The following NRIP3 variants were observed in gnomAD, a reference collection of about 807,000 sequenced individuals.
The protein encoded by NRIP3 is nuclear receptor-interacting protein 3.
A neutral mutation model predicts 29.0 loss-of-function variants in NRIP3; 31 were observed. That is an observed-to-expected ratio of 1.07 (90% CI 0.80 to 1.44). NRIP3 has a LOEUF of 1.44. Among genes scored for constraint, NRIP3 ranks in the 40% most tolerant of loss-of-function variants. The pLI, the probability that NRIP3 is intolerant of heterozygous loss-of-function variation, is 0.00. For missense variants in NRIP3, 314 were observed against 297.9 expected (o/e 1.05, Z -0.40); for synonymous variants, 131 against 118.3 (o/e 1.11, Z -0.70).
chr11:8,989,321 C>G (rs551281391), intron 1 of NRIP3, among the ~76,000 whole-genome samples: 4 of 152,286 alleles, frequency 2.6e-5, no homozygotes, highest in Admixed American at 2.0e-4. Context: ...TTTAAAATCC[C>G]TCAAAGGAGA....
At chr11:9,004,188 G>A, upstream of NRIP3, 2 of 343,094 alleles carry the variant, frequency 5.8e-6, no homozygotes, top group East Asian at 4.5e-5. Flanking sequence ...GGCGGCGCTG[G>A]TGGGGACTGA....
Position 8,982,846 on chromosome 11 carries a change from T to TA in NRIP3, c.*698dup, listed in dbSNP as rs1175903567. 1.9e-5 allele frequency: 6 copies of TA among 321,628 alleles called. No homozygotes were observed. The highest frequency in any genetic ancestry group is 4.2e-5 in the Admixed American group (1 of 23,726). 19.9% of individuals were successfully genotyped at this position (321,628 alleles called of 1,614,324 possible). A position where few individuals can be genotyped will look rare whatever the true frequency, so the allele number is the denominator to read the frequency against. ...TGCTCTGCCTTTTTTTTTTTTTTTT[T>TA]AACACATTCTCACCTCTTTGCCCTC... is the stretch of plus-strand genomic sequence containing the variant. On this transcript the variant is annotated 3_prime_UTR_variant, in exon 7 of 7. Transcript: ENST00000309166.
intron 1 of NRIP3, among the ~76,000 whole-genome samples, chr11:9,000,137 A>AT (rs1213752570): frequency 1.3e-5 from 2 of 152,040 alleles, no homozygotes; most frequent in African/African-American, 4.8e-5. Flanking sequence ...CCTGCCCCCA[A>AT]CCTATAAACC....
chr11:8,996,275 C>CTTTTTTTT lies in NRIP3; in HGVS notation c.174+7479_174+7486dup, dbSNP rs386373056. 1.7e-3 allele frequency among the ~76,000 whole-genome samples: 145 copies of CTTTTTTTT among 82,930 alleles called. 2 individuals carry two copies. Among genetic ancestry groups the CTTTTTTTT allele is most frequent in the Middle Eastern group, 0.013 (1 of 76 alleles). The allele number at this position is 82,930 out of a possible 152,430, so 54.4% of individuals were successfully genotyped here. On this transcript the variant is annotated intron_variant, in intron 1 of 6. Transcript: ENST00000309166. The stretch of plus-strand genomic sequence containing the variant: ...TCTTTCTTCAAAAAGCCTTTTTTTC[C>CTTTTTTTT]TTTTTTTTTTTTTTTTTTTTTTTTG...
intron 4 of NRIP3, among the ~76,000 whole-genome samples, chr11:8,984,758 GAGTA>G (rs1362880873): frequency 2.6e-5 from 4 of 151,948 alleles, no homozygotes; most frequent in African/African-American, 7.3e-5. Flanking sequence ...TATGGCAAAG[GAGTA>G]AGTAAGTTGC....
At chr11:9,003,724 C>T (rs1192078215) in intron 1 of NRIP3, 38 bp downstream of exon 1, 14 of 1,366,686 alleles carry the variant, frequency 1.0e-5, no homozygotes, top group African/African-American at 3.1e-5. Flanking sequence ...GGGCGCGAAG[C>T]CGCCGGGGCC....
chr11:8,995,444 G>A (rs1366161952), intron 1 of NRIP3, among the ~76,000 whole-genome samples: 6 of 152,040 alleles, frequency 3.9e-5, no homozygotes, highest in Non-Finnish European at 8.8e-5. Context: ...CAACAACCTT[G>A]GTAAGTGGCA....
chr11:9,003,691 A>G, intron 1 of NRIP3, 71 bp downstream of exon 1: 4 of 1,328,624 alleles, frequency 3.0e-6, no homozygotes, highest in Non-Finnish European at 3.9e-6. Context: ...GAAAGCCGCA[A>G]CGGCCGGGCC....
At chr11:8,983,997 C>T in intron 5 of NRIP3, 28 bp from the exon 6 acceptor site, 1 of 1,606,934 alleles carries the variant, frequency 6.2e-7, no homozygotes, top group Non-Finnish European at 8.5e-7. Context: ...GTCAGTGATA[C>T]CACTATGAGT....
At chr11:8,983,994 A>G in intron 5 of NRIP3, 25 bp from the exon 6 acceptor site, 14 of 1,607,598 alleles carry the variant, frequency 8.7e-6, no homozygotes, top group Non-Finnish European at 1.2e-5. Flanking sequence ...CTTGTCAGTG[A>G]TACCACTATG....
intron 1 of NRIP3, among the ~76,000 whole-genome samples, chr11:9,001,233 T>A (rs1195354533): frequency 6.6e-6 from 1 of 152,202 alleles, no homozygotes; most frequent in Non-Finnish European, 1.5e-5. Context: ...TACACAGGAA[T>A]AGGCAAAGGC....
intron 1 of NRIP3, among the ~76,000 whole-genome samples, chr11:8,990,916 C>T (rs1854588262): frequency 6.6e-6 from 1 of 152,154 alleles, no homozygotes; most frequent in Non-Finnish European, 1.5e-5. Context: ...AGAAATATAT[C>T]TTTCAAAAAA....
rs1015033370 is a variant in NRIP3, at chr11:9,003,283, T to C, written c.174+479A>G. 3.3e-5 allele frequency among the ~76,000 whole-genome samples: 5 copies of C among 151,994 alleles called. No individual in the cohort carries two copies. The South Asian group carries it at 6.2e-4, about 19-fold the overall frequency. ...CAAAACTAGAGAAGTGGGTTTTGCA[T>C]AGGGGGACAATGGATTCAACAGAAG... On this transcript the variant is annotated intron_variant, in intron 1 of 6. Transcript: ENST00000309166.
At chr11:8,993,973 A>C (rs1854655970) in intron 1 of NRIP3, among the ~76,000 whole-genome samples, 1 of 152,186 alleles carries the variant, frequency 6.6e-6, no homozygotes, top group Non-Finnish European at 1.5e-5. Flanking sequence ...AAAAATTTTA[A>C]ATAAAAATAT....
intron 1 of NRIP3, among the ~76,000 whole-genome samples, chr11:8,994,031 C>T (rs182148130): frequency 9.2e-5 from 14 of 152,012 alleles, no homozygotes; most frequent in Admixed American, 2.0e-4. Flanking sequence ...GCCAACTTAC[C>T]GTAGTTTAAA....
chr11:8,988,291 A>G lies in NRIP3; in HGVS notation c.175-9T>C, dbSNP rs774444019. On this transcript the variant is annotated splice_polypyrimidine_tract_variant and intron_variant, in intron 1 of 6. Transcript: ENST00000309166. ...AGAATATTATGAGGTTGCTTGAGGG[A>G]TAGAAAGCAGAGACTTCTTAGTGAC... The G allele has an allele frequency of 6.2e-6, 10 of 1,611,456 alleles. No individual in the cohort carries two copies. Among genetic ancestry groups the G allele is most frequent in the Non-Finnish European group, 8.5e-6 (10 of 1,178,162 alleles).
chr11:8,987,973 GC>G, intron 2 of NRIP3, 144 bp downstream of exon 2: 1 of 713,706 alleles, frequency 1.4e-6, no homozygotes, highest in South Asian at 1.9e-5. Context: ...ACAAAATGTT[GC>G]ATACACTTCC....
chr11:8,987,642 A>C lies in NRIP3; in HGVS notation c.340-12T>G. The C allele has an allele frequency of 6.2e-7, 1 of 1,605,040 alleles. No homozygotes were observed. Among genetic ancestry groups the C allele is most frequent in the Non-Finnish European group, 8.5e-7 (1 of 1,171,808 alleles). Reference sequence around the variant, plus strand: ...TCCTTTCCAGCACACTGTGGGGAGGAAATGTACTGTTCAATAAGAGCCAGA... The same window carrying C: ...TCCTTTCCAGCACACTGTGGGGAGGCAATGTACTGTTCAATAAGAGCCAGA... On this transcript the variant is annotated splice_polypyrimidine_tract_variant and intron_variant, in intron 2 of 6. Coordinates refer to ENST00000309166, the MANE Select transcript of NRIP3 (RefSeq NM_020645.3).
Position 8,982,966 on chromosome 11 carries a change from A to G in NRIP3, c.*579T>C, listed in dbSNP as rs921200531. The stretch of plus-strand genomic sequence containing the variant: ...GTCCCTTCAGTCACTGACCTAATAT[A>G]TGAACTTAGACAATTCACTTGCCTC... On this transcript the variant is annotated 3_prime_UTR_variant, in exon 7 of 7. Transcript: ENST00000309166. 1.3e-5 allele frequency: 6 copies of G among 456,390 alleles called. No homozygotes were observed. Among genetic ancestry groups the G allele is most frequent in the African/African-American group, 1.2e-4 (6 of 49,998 alleles). 28.3% of individuals were successfully genotyped at this position (456,390 alleles called of 1,614,324 possible).
Sources: allele counts gnomAD v4.1 joint callset (sites outside exome capture counted in the v4.1 genomes callset), GRCh38; gene constraint gnomAD v4.1.1; transcripts MANE v1.5; gene names NCBI Gene and HGNC (gene_info 2026-07-23, HGNC 2026-07-21).